Variants in NTN1 observed in about 807,000 individuals in gnomAD.
The protein encoded by NTN1 is netrin 1.
A neutral mutation model predicts 54.2 loss-of-function variants in NTN1; 11 were observed. The observed-to-expected ratio is 0.20, with a 90% CI of 0.13 to 0.34. The LOEUF is 0.34. Among genes scored for constraint, NTN1 ranks in the 10% least tolerant of loss-of-function variants. The pLI is 1.00. For synonymous variants in NTN1, 371 were observed against 382.0 expected, an observed-to-expected ratio of 0.97 and a Z score of 0.33; for missense variants, 740 against 893.1, an observed-to-expected ratio of 0.83 and a Z score of 2.18.
chr17:9,160,548 A>G (rs573758911), intron 2 of NTN1, among the ~76,000 whole-genome samples: 43 of 152,340 alleles, frequency 2.8e-4, no homozygotes, highest in African/African-American at 8.7e-4. Flanking sequence ...CAACTGAACA[A>G]ATGTTAATGA....
At chr17:9,144,830 A>G (rs2142283429) in intron 2 of NTN1, among the ~76,000 whole-genome samples, 1 of 152,302 alleles carries the variant, frequency 6.6e-6, no homozygotes, top group Middle Eastern at 3.4e-3. Flanking sequence ...GCCTGTTTGC[A>G]TTTGTCAAGT....
At chr17:9,190,720 T>G (rs1167231036) in intron 5 of NTN1, among the ~76,000 whole-genome samples, 5 of 152,116 alleles carry the variant, frequency 3.3e-5, no homozygotes, top group African/African-American at 1.2e-4. Context: ...GACATGGTAG[T>G]GAGCGCCTGT....
At chr17:9,117,763 A>C (rs537467085) in intron 2 of NTN1, among the ~76,000 whole-genome samples, 4 of 96,756 alleles carry the variant, frequency 4.1e-5, no homozygotes, top group Admixed American at 3.1e-4. Context: ...ACAAACAAAC[A>C]AAAAAACCAA....
chr17:9,105,660 T>TTCTCTCTC lies in NTN1; in HGVS notation c.1019-57139_1019-57132dup, dbSNP rs72039051. Among the ~76,000 whole-genome samples the TTCTCTCTC allele has an allele frequency of 4.4e-3, 622 of 142,090 alleles. 6 individuals carry two copies. Among genetic ancestry groups the TTCTCTCTC allele is most frequent in the African/African-American group, 0.014 (575 of 40,132 alleles). 93.2% of individuals were successfully genotyped at this position (142,090 alleles called of 152,430 possible). The stretch of plus-strand genomic sequence containing the variant: ...TGAGATCTGTTCTGTCTCTCTCTCT[T>TTCTCTCTC]TCTCTCTCTCTCTCTCTCTCTGTCT... On this transcript the variant is annotated intron_variant, in intron 2 of 6. Transcript: ENST00000173229.
At chr17:9,201,971 A>AG (rs150217604) in intron 5 of NTN1, among the ~76,000 whole-genome samples, 10,185 of 146,204 alleles carry the variant, frequency 0.07, 874 homozygotes, top group African/African-American at 0.2. Flanking sequence ...GCGAATCACA[A>AG]GGCCAGAAGT....
Position 9,109,069 on chromosome 17 carries a change from G to T in NTN1, c.1019-53744G>T, listed in dbSNP as rs190312886. 1.4e-4 allele frequency among the ~76,000 whole-genome samples: 21 copies of T among 152,144 alleles called. No individual in the cohort carries two copies. The East Asian group carries it at 3.9e-3, about 28-fold the overall frequency. ...TTTTTGTATTTTTAGTAGAGACGGGGTTTCACCATGTTGATCAGGCTGGTC... is the reference window on the plus strand; with the variant it reads ...TTTTTGTATTTTTAGTAGAGACGGGTTTTCACCATGTTGATCAGGCTGGTC... On this transcript the variant is annotated intron_variant, in intron 2 of 6. Transcript: ENST00000173229.
chr17:9,172,543 C>T (rs554921615), intron 3 of NTN1, among the ~76,000 whole-genome samples: 9 of 152,260 alleles, frequency 5.9e-5, no homozygotes, highest in South Asian at 2.1e-4. Context: ...GCACATCCCA[C>T]GTCTGATGGA....
chr17:9,052,190 C>T (rs143176858), intron 2 of NTN1, among the ~76,000 whole-genome samples: 1,911 of 152,152 alleles, frequency 0.013, 19 homozygotes, highest in Middle Eastern at 0.061. Flanking sequence ...AGGCTGGTCC[C>T]GAACTTCTGA....
At chr17:9,136,917 T>A (rs1188331245) in intron 2 of NTN1, among the ~76,000 whole-genome samples, 1 of 152,160 alleles carries the variant, frequency 6.6e-6, no homozygotes, top group Non-Finnish European at 1.5e-5. Flanking sequence ...GGGAAGGCCT[T>A]GACAGTCAGC....
chr17:9,228,403 G>C (rs966550176), intron 6 of NTN1, among the ~76,000 whole-genome samples: 2 of 152,156 alleles, frequency 1.3e-5, no homozygotes, highest in Non-Finnish European at 2.9e-5. Context: ...GCTGGTGTTG[G>C]CCTCATCAGT....
intron 2 of NTN1, among the ~76,000 whole-genome samples, chr17:9,137,476 G>A (rs1448273071): frequency 1.3e-5 from 2 of 152,172 alleles, no homozygotes; most frequent in African/African-American, 4.8e-5. Flanking sequence ...TCCGTGGAGG[G>A]GGGCATGTGT....
intron 2 of NTN1, among the ~76,000 whole-genome samples, chr17:9,053,894 A>G (rs1405573772): frequency 6.6e-6 from 1 of 152,210 alleles, no homozygotes; most frequent in African/African-American, 2.4e-5. Flanking sequence ...AGCAGGGCTC[A>G]TGAAGGTGGG....
rs368127099 is a variant in NTN1 at position 9,162,837 on chromosome 17, G to A, written c.1043G>A (p.Arg348Gln). 1.5e-5 allele frequency: 25 copies of A among 1,613,220 alleles called. No individual in the cohort carries two copies. Among genetic ancestry groups the A allele is most frequent in the Admixed American group, 6.7e-5 (4 of 59,992 alleles). ...GCCTGTAACTGCAACCTGCATGCCC[G>A]GCGCTGCCGCTTCAACATGGAGCTC... ...CVACNCNLHA[R>Q]RCRFNMELYK... is the part of the protein sequence containing the mutation. The change falls in exon 3 of 7, where the codon CGG (arginine) becomes CAG (glutamine). Residue 348 changes from arginine (R) to glutamine (Q), a missense_variant. Physicochemically the swap from Arg to Gln is conservative, Grantham distance 43. Transcript: ENST00000173229.
At chr17:9,087,869 CAGGAG>C (rs949304505) in intron 2 of NTN1, among the ~76,000 whole-genome samples, 6 of 152,208 alleles carry the variant, frequency 3.9e-5, no homozygotes, top group African/African-American at 1.4e-4. Flanking sequence ...GAATACAAAA[CAGGAG>C]AGGTTAGATC....
chr17:9,078,057 T>C (rs967070981), intron 2 of NTN1, among the ~76,000 whole-genome samples: 4 of 151,520 alleles, frequency 2.6e-5, no homozygotes, highest in Admixed American at 6.6e-5. Flanking sequence ...CCCATCCATC[T>C]ATCCATCCAT....
At chr17:9,004,251 C>T in the NTN1 span, among the ~76,000 whole-genome samples, 1 of 152,250 alleles carries the variant, frequency 6.6e-6, no homozygotes, top group African/African-American at 2.4e-5. Context: ...ACACGGCAAG[C>T]TTCTGGGGCT....
chr17:9,055,327 A>G (rs532135589), intron 2 of NTN1, among the ~76,000 whole-genome samples: 1 of 152,328 alleles, frequency 6.6e-6, no homozygotes, highest in East Asian at 1.9e-4. Context: ...GCACCACTGC[A>G]CCACTGGACA....
upstream of NTN1, among the ~76,000 whole-genome samples, chr17:9,017,818 T>G (rs532170296): frequency 2.0e-5 from 3 of 152,220 alleles, 1 homozygote; most frequent in African/African-American, 7.2e-5. Context: ...ATCTGTTTTT[T>G]TCATTTGTCC....
At chr17:9,085,282 A>G (rs1365311690) in intron 2 of NTN1, among the ~76,000 whole-genome samples, 3 of 152,288 alleles carry the variant, frequency 2.0e-5, no homozygotes, top group East Asian at 3.9e-4. Flanking sequence ...GGCTATCCTC[A>G]GCTTCCCGAT....
Sources: allele counts gnomAD v4.1 joint callset (sites outside exome capture counted in the v4.1 genomes callset), GRCh38; gene constraint gnomAD v4.1.1; transcripts MANE v1.5; gene names NCBI Gene and HGNC (gene_info 2026-07-23, HGNC 2026-07-21).